NLK: variants seen among roughly 807,000 people sequenced by gnomAD.
NLK encodes serine/threonine-protein kinase NLK.
A neutral mutation model predicts 59.0 loss-of-function variants in NLK; 11 were observed. The observed-to-expected ratio is 0.19, with a 90% CI of 0.12 to 0.31. NLK has a LOEUF of 0.31. NLK is among the 10% of genes least tolerant of loss of function. The probability of loss-of-function intolerance (pLI) is 1.00; values close to 1 mark genes in which losing one functional copy is unlikely to be tolerated. For synonymous variants in NLK, 235 were observed against 235.9 expected (o/e 1.00, Z 0.03); for missense variants, 410 against 661.1 (o/e 0.62, Z 4.16).
chr17:28,121,197 A>G (rs1906033805), intron 1 of NLK, among the ~76,000 whole-genome samples: 1 of 147,594 alleles, frequency 6.8e-6, no homozygotes, highest in Admixed American at 6.7e-5. Context: ...GGACAGAGGC[A>G]TGAGCCACTG....
At position 28,042,929 on chromosome 17, in the gene NLK, GTACATC is replaced by G; in HGVS notation, c.58_63del (p.Thr20_Ser21del). On this transcript the variant is annotated inframe_deletion, in exon 1 of 11. Transcript: ENST00000407008. ...AAAATGATGGCGGCTTACAATGGCGGTACATCTGCAGCAGCAGCAGGTCACCACCAC... is the reference window on the plus strand; with the variant it reads ...AAAATGATGGCGGCTTACAATGGCGGTGCAGCAGCAGCAGGTCACCACCAC... 6.5e-7 allele frequency: 1 copy of G among 1,548,142 alleles called. No individual in the cohort carries two copies. Among genetic ancestry groups the G allele is most frequent in the South Asian group, 1.2e-5 (1 of 83,404 alleles).
chr17:28,143,132 C>T (rs2142031079), intron 3 of NLK, among the ~76,000 whole-genome samples: 1 of 151,964 alleles, frequency 6.6e-6, no homozygotes, highest in South Asian at 2.1e-4. Context: ...CAACCTCCAC[C>T]TCCTGGGTTC....
At chr17:28,181,769 G>A (rs1908916406) in intron 7 of NLK, among the ~76,000 whole-genome samples, 1 of 152,012 alleles carries the variant, frequency 6.6e-6, no homozygotes, top group Admixed American at 6.6e-5. Flanking sequence ...CCAGCACTTT[G>A]GGAGGCCGAG....
chr17:28,060,985 T>TC (rs1229512876), intron 1 of NLK, among the ~76,000 whole-genome samples: 1 of 152,210 alleles, frequency 6.6e-6, no homozygotes, highest in East Asian at 1.9e-4. Context: ...AGTAGAGTGG[T>TC]CATCTTTGAA....
At chr17:28,182,905 T>C (rs1908967979) in intron 7 of NLK, among the ~76,000 whole-genome samples, 1 of 152,378 alleles carries the variant, frequency 6.6e-6, no homozygotes. Flanking sequence ...TTAAACTCTC[T>C]TTTAAGTTTT....
chr17:28,076,246 C>T (rs899380923), intron 1 of NLK, among the ~76,000 whole-genome samples: 4 of 152,102 alleles, frequency 2.6e-5, no homozygotes, highest in Non-Finnish European at 4.4e-5. Flanking sequence ...TTATAAACAA[C>T]AAAAGTTTAT....
At chr17:28,184,233 T>C (rs1753988941) in intron 7 of NLK, among the ~76,000 whole-genome samples, 2 of 152,252 alleles carry the variant, frequency 1.3e-5, no homozygotes, top group African/African-American at 4.8e-5. Context: ...GTCCTTTGGC[T>C]CCTTTAGGAC....
chr17:28,070,427 T>G (rs956082312), intron 1 of NLK, among the ~76,000 whole-genome samples: 1 of 148,326 alleles, frequency 6.7e-6, no homozygotes, highest in Non-Finnish European at 1.5e-5. Context: ...CGATCTCGGC[T>G]CACTGCAGCC....
At chr17:28,148,981 T>TATTC in intron 3 of NLK, among the ~76,000 whole-genome samples, 1 of 152,354 alleles carries the variant, frequency 6.6e-6, no homozygotes, top group Middle Eastern at 3.4e-3. Flanking sequence ...AAATAGTTCA[T>TATTC]ATGAAGTACT....
intron 1 of NLK, among the ~76,000 whole-genome samples, chr17:28,093,301 G>T (rs1336221002): frequency 1.3e-5 from 2 of 152,096 alleles, no homozygotes; most frequent in East Asian, 3.9e-4. Flanking sequence ...TAGCTCTGAA[G>T]TATATACATA....
chr17:28,072,745 T>TA (rs1435238615), intron 1 of NLK, among the ~76,000 whole-genome samples: 1 of 152,238 alleles, frequency 6.6e-6, no homozygotes, highest in Non-Finnish European at 1.5e-5. Flanking sequence ...TATGCATGTT[T>TA]AAATTCCATG....
chr17:28,188,944 T>A (rs1478946894), intron 8 of NLK, among the ~76,000 whole-genome samples: 2 of 151,686 alleles, frequency 1.3e-5, no homozygotes, highest in African/African-American at 2.4e-5. Flanking sequence ...TAAGAGCAGG[T>A]GTCTGTGGTG....
chr17:28,190,960 T>G, intron 8 of NLK, 61 bp from the exon 9 acceptor site: 1 of 1,190,348 alleles, frequency 8.4e-7, no homozygotes, highest in East Asian at 2.4e-5. Context: ...TTTTGAAAGA[T>G]CCTATGTGGA....
chr17:28,085,815 A>G (rs1038501713), intron 1 of NLK, among the ~76,000 whole-genome samples: 38 of 152,316 alleles, frequency 2.5e-4, no homozygotes, highest in Admixed American at 2.2e-3. Context: ...GTCATAGTGC[A>G]ACACCATTAC....
rs942993833 is a variant in NLK at position 28,095,082 on chromosome 17, T to C, written c.459-27521T>C. 1.1e-4 allele frequency among the ~76,000 whole-genome samples: 17 copies of C among 152,064 alleles called. No individual in the cohort carries two copies. The East Asian group carries it at 1.2e-3, about 10-fold the overall frequency. The stretch of plus-strand genomic sequence containing the variant: ...ACCAGAATAAAATTAGAAGGAAAAA[T>C]TGGGAAGATACAAATAATTGCCACC... On this transcript the variant is annotated intron_variant, in intron 1 of 10. Coordinates refer to ENST00000407008, the MANE Select transcript of NLK (RefSeq NM_016231.5).
chr17:28,085,184 C>T (rs769517326), intron 1 of NLK, among the ~76,000 whole-genome samples: 4 of 152,086 alleles, frequency 2.6e-5, no homozygotes, highest in Non-Finnish European at 4.4e-5. Context: ...AAAATTATCA[C>T]GTTTTATGCC....
chr17:28,064,833 G>C (rs1408804293), intron 1 of NLK, among the ~76,000 whole-genome samples: 1 of 152,172 alleles, frequency 6.6e-6, no homozygotes, highest in Non-Finnish European at 1.5e-5. Context: ...CTATAACATA[G>C]GGGTTATAAT....
chr17:28,170,396 T>C (rs770694186), intron 6 of NLK, among the ~76,000 whole-genome samples: 1 of 151,738 alleles, frequency 6.6e-6, no homozygotes, highest in East Asian at 1.9e-4. Flanking sequence ...TTATTTCTTT[T>C]ATGCTTTTTC....
intron 3 of NLK, among the ~76,000 whole-genome samples, chr17:28,135,902 A>G (rs868480398): frequency 6.6e-6 from 1 of 152,298 alleles, no homozygotes; most frequent in Middle Eastern, 3.4e-3. Context: ...ATTGGCCATA[A>G]TTTAATTGAG....
Sources: gnomAD v4.1 joint callset for allele counts (sites outside exome capture counted in the v4.1 genomes callset) on GRCh38, gnomAD v4.1.1 for gene constraint, MANE v1.5 for transcripts, NCBI Gene and HGNC (gene_info 2026-07-23, HGNC 2026-07-21) for gene names.